TENM1: variants seen among roughly 807,000 people sequenced by gnomAD.
TENM1 encodes the protein teneurin transmembrane protein 1.
Under a neutral mutation model 174.8 loss-of-function variants are expected in TENM1, and 35 were observed. That is an observed-to-expected ratio of 0.20 (90% confidence interval 0.15 to 0.27). The LOEUF (loss-of-function observed/expected upper bound fraction) is 0.27, where lower values mean the gene tolerates loss of function less well. Among genes scored for constraint, TENM1 ranks in the 10% least tolerant of loss-of-function variants. The pLI, the probability that TENM1 is intolerant of heterozygous loss-of-function variation, is 1.00. For missense variants in TENM1, 1,633 were observed against 2,130.1 expected, an observed-to-expected ratio of 0.77 and a Z score of 4.59; for synonymous variants, 781 against 798.7, an observed-to-expected ratio of 0.98 and a Z score of 0.37.
intron 3 of TENM1, among the ~76,000 whole-genome samples, chrX:124,808,022 G>A (rs939470258): frequency 9.0e-5 from 10 of 110,574 alleles, no homozygotes; most frequent in Non-Finnish European, 1.3e-4. Flanking sequence ...AAATTCCTTA[G>A]TCAAAAAACA....
chrX:124,393,909 A>G (rs1417189420), intron 27 of TENM1, among the ~76,000 whole-genome samples: 1 of 112,693 alleles, frequency 8.9e-6, no homozygotes, highest in African/African-American at 3.2e-5. Flanking sequence ...CTGTGAAACA[A>G]GAGTGATGTT....
At chrX:124,466,690 T>G (rs1255596531) in intron 22 of TENM1, among the ~76,000 whole-genome samples, 1 of 111,531 alleles carries the variant, frequency 9.0e-6, no homozygotes, top group African/African-American at 3.3e-5. Context: ...GTATAACAAG[T>G]GAAAATCAGA....
At chrX:125,090,443 C>T in the TENM1 span, among the ~76,000 whole-genome samples, 115 of 106,590 alleles carry the variant, frequency 1.1e-3, no homozygotes, top group African/African-American at 3.5e-3. Flanking sequence ...GCCAGGAGTT[C>T]GAGACCAGTC....
chrX:125,038,332 G>T, the TENM1 span, among the ~76,000 whole-genome samples: 1 of 109,909 alleles, frequency 9.1e-6, no homozygotes, highest in South Asian at 3.9e-4. Flanking sequence ...GTTCTGTGAC[G>T]TCGGTCAGGT....
chrX:125,134,581 T>C, the TENM1 span, among the ~76,000 whole-genome samples: 1 of 112,154 alleles, frequency 8.9e-6, no homozygotes, highest in East Asian at 2.8e-4. Context: ...CTCCCAATTA[T>C]GACACAGGTT....
At chrX:124,725,521 C>T (rs915716970) in intron 4 of TENM1, among the ~76,000 whole-genome samples, 1 of 112,143 alleles carries the variant, frequency 8.9e-6, no homozygotes, top group African/African-American at 3.2e-5. Flanking sequence ...CTTATCTGTT[C>T]ACCAAAGGGG....
At chrX:125,187,437 T>C in the TENM1 span, among the ~76,000 whole-genome samples, 3 of 111,644 alleles carry the variant, frequency 2.7e-5, no homozygotes, top group Non-Finnish European at 5.6e-5. Context: ...GAGGTATGTA[T>C]AAGAATTTTT....
At chrX:125,119,580 G>A in the TENM1 span, among the ~76,000 whole-genome samples, 1 of 109,738 alleles carries the variant, frequency 9.1e-6, no homozygotes, top group African/African-American at 3.3e-5. Flanking sequence ...ACTTATTGGG[G>A]GTACTTTGAC....
chrX:124,421,798 T>C (rs772254656), intron 24 of TENM1, among the ~76,000 whole-genome samples: 15 of 111,702 alleles, frequency 1.3e-4, no homozygotes, highest in South Asian at 7.6e-4. Flanking sequence ...GAGTCTCAAA[T>C]AGCACATGCT....
chrX:124,874,266 GTATGT>G lies in TENM1; in HGVS notation c.535+20025_535+20029del, dbSNP rs916333644. ...TATTTCATACACATTTTCCAAAAAT[GTATGT>G]TATAAAATTTTAATTATTGCCAATA... On this transcript the variant is annotated intron_variant, in intron 3 of 31. Transcript: ENST00000422452. Among the ~76,000 whole-genome samples, 10 of 111,260 alleles carry G rather than the reference GTATGT, an allele frequency of 9.0e-5. 1 individual carries two copies. The Middle Eastern group carries it at 0.015, about 165-fold the overall frequency.
At chrX:124,417,027 C>T (rs1245825331) in intron 25 of TENM1, among the ~76,000 whole-genome samples, 1 of 111,566 alleles carries the variant, frequency 9.0e-6, no homozygotes, top group East Asian at 2.8e-4. Flanking sequence ...ACCTCCAGAA[C>T]TGTGAAAAAT....
intron 15 of TENM1, among the ~76,000 whole-genome samples, chrX:124,531,296 G>C (rs1044014595): frequency 1.8e-5 from 2 of 109,783 alleles, no homozygotes; most frequent in African/African-American, 6.6e-5. Flanking sequence ...AGAAAGTAAA[G>C]GGAGGAATGT....
At chrX:124,785,825 A>C (rs893257961) in intron 3 of TENM1, among the ~76,000 whole-genome samples, 2 of 112,057 alleles carry the variant, frequency 1.8e-5, no homozygotes, top group Admixed American at 9.5e-5. Flanking sequence ...CTGTGTAATA[A>C]ATATTCAAAA....
intron 3 of TENM1, among the ~76,000 whole-genome samples, chrX:124,853,153 A>G (rs994516247): frequency 8.9e-6 from 1 of 111,939 alleles, no homozygotes; most frequent in African/African-American, 3.2e-5. Context: ...AAGAAAAATA[A>G]GTCAAAGCAT....
chrX:124,515,312 C>A (rs760238937), intron 18 of TENM1, among the ~76,000 whole-genome samples: 14 of 111,715 alleles, frequency 1.3e-4, no homozygotes, highest in Admixed American at 1.0e-3. Flanking sequence ...CCTCTCTCAT[C>A]AGTCCTATTC....
intron 6 of TENM1, among the ~76,000 whole-genome samples, chrX:124,668,141 T>G (rs1313132289): frequency 8.9e-6 from 1 of 111,760 alleles, no homozygotes; most frequent in African/African-American, 3.3e-5. Flanking sequence ...GTTTCAGTTC[T>G]TTGTAGATTC....
In TENM1 at chrX:124,488,770, T is replaced by G. The variant is rs370779387; in HGVS notation, c.3696-1541A>C. On this transcript the variant is annotated intron_variant, in intron 20 of 31. Transcript: ENST00000422452. ...CCTGAAAGTTTAGTTGTGAAAGTACTAGAAGGATCTCATTAAAATATGGTT... is the reference window on the plus strand; with the variant it reads ...CCTGAAAGTTTAGTTGTGAAAGTACGAGAAGGATCTCATTAAAATATGGTT... Among the ~76,000 whole-genome samples, 12 of 112,382 alleles carry G rather than the reference T, an allele frequency of 1.1e-4. No homozygotes were observed. The East Asian group carries it at 1.4e-3, about 13-fold the overall frequency.
At chrX:124,501,857 G>C (rs1328577749) in intron 19 of TENM1, among the ~76,000 whole-genome samples, 1 of 111,906 alleles carries the variant, frequency 8.9e-6, no homozygotes, top group African/African-American at 3.2e-5. Context: ...CAGGCTGAAA[G>C]GCAGCAGCAG....
the TENM1 span, among the ~76,000 whole-genome samples, chrX:125,148,999 T>C: frequency 8.9e-6 from 1 of 111,821 alleles, no homozygotes; most frequent in Non-Finnish European, 1.9e-5. Context: ...GTCAAACTCC[T>C]GCTTAAAACA....
Sources: allele counts gnomAD v4.1 joint callset (sites outside exome capture counted in the v4.1 genomes callset), GRCh38; gene constraint gnomAD v4.1.1; transcripts MANE v1.5; gene names NCBI Gene and HGNC (gene_info 2026-07-23, HGNC 2026-07-21).